NUTM2E: variants seen among roughly 807,000 people sequenced by gnomAD.
NUTM2E encodes the protein NUT family member 2E, also known as family with sequence similarity 22, member E.
A neutral mutation model predicts 26.1 loss-of-function variants in NUTM2E; 3 were observed. The observed-to-expected ratio is 0.12, with a 90% CI of 0.05 to 0.30. NUTM2E has a LOEUF of 0.30. Ranked by LOEUF, NUTM2E falls within the 10% of genes least tolerant of loss-of-function variation. The probability of loss-of-function intolerance (pLI) is 1.00; values close to 1 mark genes in which losing one functional copy is unlikely to be tolerated. For missense variants in NUTM2E, 62 were observed against 381.3 expected (o/e 0.16, Z 6.97); for synonymous variants, 13 against 157.5 (o/e 0.08, Z 6.87).
rs1441641084 is a variant in NUTM2E at position 79,839,055 on chromosome 10, A to C, written c.-2174A>C. Among the ~76,000 whole-genome samples, 7 of 150,784 alleles carry C rather than the reference A, an allele frequency of 4.6e-5. No individual in the cohort carries two copies. The East Asian group carries it at 5.9e-4, about 13-fold the overall frequency. ...GGGCCAGACAACGCCCCCTCATTGG[A>C]ACCTCCATGACCGTGCCTCTGAGAA... On this transcript the variant is annotated 5_prime_UTR_variant, in exon 3 of 10. Transcript: ENST00000429984.
At chr10:79,830,880 A>C (rs1305506411) in intron 1 of NUTM2E, among the ~76,000 whole-genome samples, 1 of 151,586 alleles carries the variant, frequency 6.6e-6, no homozygotes, top group Non-Finnish European at 1.5e-5. Flanking sequence ...TAGTGCCCCC[A>C]GTAGAGATAT....
chr10:79,837,705 TGATTC>T (rs1187289139), intron 1 of NUTM2E, among the ~76,000 whole-genome samples: 1 of 152,096 alleles, frequency 6.6e-6, no homozygotes, highest in Non-Finnish European at 1.5e-5. Flanking sequence ...ATCCATTGAT[TGATTC>T]ATCAGTGTGT....
chr10:79,839,494 C>A (rs1841986078), intron 3 of NUTM2E, among the ~76,000 whole-genome samples, 134 bp from the exon 4 acceptor site: 1 of 151,700 alleles, frequency 6.6e-6, no homozygotes, highest in Non-Finnish European at 1.5e-5. Context: ...CCACGCTCCC[C>A]ACCCCTGACT....
chr10:79,828,221 T>G (rs1192783806), intron 1 of NUTM2E, among the ~76,000 whole-genome samples: 1 of 151,906 alleles, frequency 6.6e-6, no homozygotes, highest in Non-Finnish European at 1.5e-5. Context: ...ATTCATGGAT[T>G]TATTCATTTT....
intron 1 of NUTM2E, among the ~76,000 whole-genome samples, chr10:79,829,885 T>C (rs1841915613): frequency 6.6e-6 from 1 of 151,496 alleles, no homozygotes; most frequent in South Asian, 2.1e-4. Flanking sequence ...TTGAACAAAT[T>C]ACTTGTTGGA....
At chr10:79,832,911 G>A (rs1329544801) in intron 1 of NUTM2E, among the ~76,000 whole-genome samples, 3 of 151,720 alleles carry the variant, frequency 2.0e-5, no homozygotes, top group Admixed American at 2.0e-4. Context: ...ATGCCTATAG[G>A]TATAGTTGTG....
chr10:79,829,081 AAAAC>A (rs756297560), intron 1 of NUTM2E, among the ~76,000 whole-genome samples: 14 of 151,916 alleles, frequency 9.2e-5, no homozygotes, highest in Non-Finnish European at 1.8e-4. Context: ...TTCTCAAACT[AAAAC>A]AATAGCAGTT....
intron 1 of NUTM2E, among the ~76,000 whole-genome samples, chr10:79,836,072 T>A (rs1841960952): frequency 6.6e-6 from 1 of 151,572 alleles, no homozygotes; most frequent in Non-Finnish European, 1.5e-5. Context: ...ATTTACCAAC[T>A]TTTAGACTTC....
At chr10:79,845,398 G>C (rs1239317043) in intron 5 of NUTM2E, among the ~76,000 whole-genome samples, 1 of 112,896 alleles carries the variant, frequency 8.9e-6, no homozygotes, top group Non-Finnish European at 2.3e-5. Flanking sequence ...ATGCCGGGCA[G>C]GTATTTGCAT....
intron 6 of NUTM2E, 129 bp downstream of exon 6, chr10:79,847,087 C>A (rs1301638481): frequency 1.3e-6 from 1 of 752,414 alleles, no homozygotes; most frequent in East Asian, 2.8e-5. Context: ...ACACTCTGGG[C>A]CCCTGGCTCC....
Position 79,840,697 on chromosome 10 carries a change from A to C in NUTM2E, c.-1044A>C, listed in dbSNP as rs1238358596. 6.6e-6 allele frequency among the ~76,000 whole-genome samples: 1 copy of C among 151,270 alleles called. No homozygotes were observed. Among genetic ancestry groups the C allele is most frequent in the Non-Finnish European group, 1.5e-5 (1 of 67,878 alleles). On this transcript the variant is annotated 5_prime_UTR_variant, in exon 4 of 10. Transcript: ENST00000429984. Reference sequence around the variant, plus strand: ...GCCTTCTTGAGTCCAAGTGTCTTCGAAAGGGCAAATGCTTCGTAAGTGCCG... The same window carrying C: ...GCCTTCTTGAGTCCAAGTGTCTTCGCAAGGGCAAATGCTTCGTAAGTGCCG...
Position 79,829,990 on chromosome 10 carries a change from C to T in NUTM2E, c.-2728+2633C>T, listed in dbSNP as rs1352877652. Among the ~76,000 whole-genome samples the T allele has an allele frequency of 1.3e-5, 2 of 151,366 alleles. 1 individual carries two copies. Among genetic ancestry groups the T allele is most frequent in the Non-Finnish European group, 2.9e-5 (2 of 67,828 alleles). The stretch of plus-strand genomic sequence containing the variant: ...TCTGGAACTGTGGTTTCAGAATGAG[C>T]TTATCCAAAAGTAAGAAGAGGACTG... On this transcript the variant is annotated intron_variant, in intron 1 of 9. Coordinates refer to ENST00000429984, the MANE Select transcript of NUTM2E (RefSeq NM_001355263.2).
At position 79,827,007 on chromosome 10, in the gene NUTM2E, G is replaced by GTCGCCTCGCCTCGCCTCGCC. The variant is rs57348880; in HGVS notation, c.-3062_-3061insCGCCTCGCCTCGCCTCGCCT. 6.1e-5 allele frequency: 7 copies of GTCGCCTCGCCTCGCCTCGCC among 113,856 alleles called. No homozygotes were observed. Among genetic ancestry groups the GTCGCCTCGCCTCGCCTCGCC allele is most frequent in the Admixed American group, 8.6e-5 (1 of 11,586 alleles). The allele number at this position is 113,856 out of a possible 1,614,324, so 7.1% of individuals were successfully genotyped here. A position where few individuals can be genotyped will look rare whatever the true frequency, so the allele number is the denominator to read the frequency against. On this transcript the variant is annotated 5_prime_UTR_variant, in exon 1 of 10. Transcript: ENST00000429984. ...GTTCTCCCTAAGCACCCTCGCTCAC[G>GTCGCCTCGCCTCGCCTCGCC]TCGCCTCGCCTCGCCTGACCGGCCG...
chr10:79,836,404 T>C (rs995107789), intron 1 of NUTM2E, among the ~76,000 whole-genome samples: 15 of 151,966 alleles, frequency 9.9e-5, no homozygotes, highest in Admixed American at 9.2e-4. Flanking sequence ...GATACATCTA[T>C]GTACATGCAA....
chr10:79,827,171 A>G lies in NUTM2E; in HGVS notation c.-2914A>G, dbSNP rs1050941320. On this transcript the variant is annotated 5_prime_UTR_variant, in exon 1 of 10. Transcript: ENST00000429984. ...CACCGGGGACGGGCGCGCCCATCCG[A>G]CTCTTCGAGGGGCGGCAGGGCCCCA... The G allele has an allele frequency of 2.6e-5, 4 of 152,348 alleles. No individual in the cohort carries two copies. The East Asian group carries it at 7.8e-4, about 30-fold the overall frequency. 9.4% of individuals were successfully genotyped at this position (152,348 alleles called of 1,614,324 possible).
chr10:79,847,242 G>A (rs1203894360), intron 6 of NUTM2E, among the ~76,000 whole-genome samples: 1 of 116,290 alleles, frequency 8.6e-6, no homozygotes, highest in Non-Finnish European at 2.2e-5. Flanking sequence ...CCCAAAGTGG[G>A]TCACCTCCAG....
chr10:79,837,583 A>C (rs1401175653), intron 1 of NUTM2E, among the ~76,000 whole-genome samples: 4 of 152,220 alleles, frequency 2.6e-5, no homozygotes, highest in African/African-American at 9.6e-5. Flanking sequence ...TGCTAGTGTC[A>C]ATGAGATCCA....
chr10:79,838,622 G>A (rs1414963090), intron 2 of NUTM2E, among the ~76,000 whole-genome samples, 36 bp downstream of exon 2: 3 of 147,908 alleles, frequency 2.0e-5, no homozygotes, highest in East Asian at 4.0e-4. Context: ...TGGGCATCCC[G>A]CAGGGCCCCC....
rs769187291 is a variant in NUTM2E at position 79,849,467 on chromosome 10, G to A, written c.1831G>A (p.Glu611Lys). The A allele has an allele frequency of 3.4e-4, 193 of 568,848 alleles. No individual in the cohort carries two copies. The highest frequency in any genetic ancestry group is 4.9e-4 in the Non-Finnish European group (184 of 372,938). 35.2% of individuals were successfully genotyped at this position (568,848 alleles called of 1,614,324 possible). A position where few individuals can be genotyped will look rare whatever the true frequency, so the allele number is the denominator to read the frequency against. ...LALSQDLEQE[E>K]GLTLAQLVEK... is the part of the protein sequence containing the mutation. ...CCTAAGCCAGGACCTGGAGCAGGAG[G>A]AAGGACTCACCCTTGCCCAGGTACC... is the stretch of plus-strand genomic sequence containing the variant. Residue 611 changes from glutamate (E) to lysine (K), a missense_variant, in exon 9 of 10, where the codon GAA (glutamate) becomes AAA (lysine). Coordinates refer to ENST00000429984, the MANE Select transcript of NUTM2E (RefSeq NM_001355263.2).
Sources: allele counts gnomAD v4.1 joint callset (sites outside exome capture counted in the v4.1 genomes callset), GRCh38; gene constraint gnomAD v4.1.1; transcripts MANE v1.5; gene names NCBI Gene and HGNC (gene_info 2026-07-23, HGNC 2026-07-21).